Variants in IRS2 observed in about 807,000 individuals in gnomAD.
The protein encoded by IRS2 is insulin receptor substrate 2.
IRS2 carries 28 observed loss-of-function variants against 70.9 expected under a neutral mutation model. The observed-to-expected ratio is 0.39, with a 90% confidence interval of 0.29 to 0.54. The LOEUF (loss-of-function observed/expected upper bound fraction) is 0.54, where lower values mean the gene tolerates loss of function less well. IRS2 is among the 20% of genes least tolerant of loss of function. The pLI is 0.59. For synonymous variants in IRS2, 1,217 were observed against 981.9 expected (o/e 1.24, Z -4.48); for missense variants, 2,081 against 2,024.1 (o/e 1.03, Z -0.54).
chr13:109,781,217 C>G (rs1877688406), intron 1 of IRS2, among the ~76,000 whole-genome samples: 1 of 152,136 alleles, frequency 6.6e-6, no homozygotes, highest in African/African-American at 2.4e-5. Context: ...GGGGCAGGGT[C>G]CTCACAGGGT....
chr13:109,769,155 A>G (rs1275242391), intron 1 of IRS2, among the ~76,000 whole-genome samples: 1 of 152,160 alleles, frequency 6.6e-6, no homozygotes, highest in African/African-American at 2.4e-5. Context: ...CAAATTTTAT[A>G]TACTTTTGAG....
In IRS2 at chr13:109,783,240, C is replaced by G. The variant is rs112819737; in HGVS notation, c.2814G>C (p.Leu938=). The G allele has an allele frequency of 6.8e-7, 1 of 1,464,992 alleles. No individual in the cohort carries two copies. The highest frequency in any genetic ancestry group is 9.0e-7 in the Non-Finnish European group (1 of 1,112,028). 90.7% of individuals were successfully genotyped at this position (1,464,992 alleles called of 1,614,324 possible). Reference sequence around the variant, plus strand: ...AGGAGGACGAGGCCGCCGACGCCAGCAGGGGAGGCGCGGGCGGCGACAGGC... The same window carrying G: ...AGGAGGACGAGGCCGCCGACGCCAGGAGGGGAGGCGCGGGCGGCGACAGGC... ...GARLSPPAPP[L]LASAASSSSL... Residue 938 remains leucine, a synonymous_variant, in exon 1 of 2, where the codon CTG becomes CTC. Transcript: ENST00000375856.
At chr13:109,778,313 T>C (rs1478941185) in intron 1 of IRS2, among the ~76,000 whole-genome samples, 1 of 152,236 alleles carries the variant, frequency 6.6e-6, no homozygotes, top group Non-Finnish European at 1.5e-5. Flanking sequence ...GATTCCTGGT[T>C]TAGTGTTCCA....
rs1566411917 is a variant in IRS2, at chr13:109,782,239, G to A, written c.3815C>T (p.Pro1272Leu). 3.1e-6 allele frequency: 5 copies of A among 1,607,784 alleles called. No homozygotes were observed. Among genetic ancestry groups the A allele is most frequent in the South Asian group, 1.1e-5 (1 of 90,770 alleles). The stretch of plus-strand genomic sequence containing the variant: ...GTCTCCCGGCTGAGGAAGCGGCGGC[G>A]GCGGCGGCTGCGGCTGGGGTGGCAG... ...PGLPPQPQPP[P>L]PPLPQPGDKS... The change falls in exon 1 of 2, where the codon CCG becomes CTG. Residue 1272 changes from proline (P) to leucine (L), a missense_variant. Transcript: ENST00000375856.
Position 109,769,755 on chromosome 13 carries a change from GTT to G in IRS2, c.4012+12285_4012+12286del, listed in dbSNP as rs66796438. Among the ~76,000 whole-genome samples the G allele has an allele frequency of 6.8e-3, 1,041 of 152,250 alleles. 10 individuals carry two copies. Among genetic ancestry groups the G allele is most frequent in the African/African-American group, 0.024 (984 of 41,530 alleles). On this transcript the variant is annotated intron_variant, in intron 1 of 1. Coordinates refer to ENST00000375856, the MANE Select transcript of IRS2 (RefSeq NM_003749.3). Reference sequence around the variant, plus strand: ...CTTTTTAGCTTGAAAAACCAAATCTGTTTCTCTCTAGCCTATTCTTTCATATT... The same window carrying G: ...CTTTTTAGCTTGAAAAACCAAATCTGTCTCTCTAGCCTATTCTTTCATATT...
intron 1 of IRS2, among the ~76,000 whole-genome samples, chr13:109,771,790 T>C (rs1165625699): frequency 6.6e-6 from 1 of 152,244 alleles, no homozygotes; most frequent in South Asian, 2.1e-4. Context: ...CAGGAATTTC[T>C]GCTGTCTGGG....
intron 1 of IRS2, among the ~76,000 whole-genome samples, chr13:109,768,797 C>T (rs1877390922): frequency 6.6e-6 from 1 of 152,122 alleles, no homozygotes; most frequent in Admixed American, 6.5e-5. Context: ...CACATCCTCT[C>T]TCTACAGACT....
At position 109,782,608 on chromosome 13, in the gene IRS2, G is replaced by A; in HGVS notation, c.3446C>T (p.Ser1149Phe). The A allele has an allele frequency of 6.3e-7, 1 of 1,578,698 alleles. No individual in the cohort carries two copies. Among genetic ancestry groups the A allele is most frequent in the Non-Finnish European group, 8.6e-7 (1 of 1,163,628 alleles). ...DPQGGRRRHS[S>F]ETFSSTTTVT... Reference sequence around the variant, plus strand: ...CGTCGTGGTGGAGGAGAAGGTCTCGGAACTGTGGCGGCGGCGGCCCCCCTG... The same window carrying A: ...CGTCGTGGTGGAGGAGAAGGTCTCGAAACTGTGGCGGCGGCGGCCCCCCTG... Residue 1149 changes from serine (S) to phenylalanine (F), a missense_variant, in exon 1 of 2, where the codon TCC (serine) becomes TTC (phenylalanine). Ser to Phe is a radical substitution (Grantham distance 155). Transcript: ENST00000375856.
chr13:109,783,229 G>A lies in IRS2; in HGVS notation c.2825C>T (p.Ala942Val), dbSNP rs1450865521. 9 of 1,445,006 alleles carry A rather than the reference G, an allele frequency of 6.2e-6. No individual in the cohort carries two copies. Among genetic ancestry groups the A allele is most frequent in the Non-Finnish European group, 8.2e-6 (9 of 1,101,808 alleles). 89.5% of individuals were successfully genotyped at this position (1,445,006 alleles called of 1,614,324 possible). A position where few individuals can be genotyped will look rare whatever the true frequency, so the allele number is the denominator to read the frequency against. The change falls in exon 1 of 2, where the codon GCG becomes GTG. Residue 942 changes from alanine (A) to valine (V), a missense_variant. By Grantham distance (64) the Ala-to-Val change is moderately conservative. Around this residue, in one of 4 missense-constraint regions of IRS2, gnomAD observed 1,615 missense variants for 1,459.5 expected, o/e 1.11. Transcript: ENST00000375856. Reference protein sequence around the residue: ...SPPAPPLLASAASSSSLLSAS... With the variant: ...SPPAPPLLASVASSSSLLSAS... ...GGACAAGAGCGAGGAGGACGAGGCC[G>A]CCGACGCCAGCAGGGGAGGCGCGGG...
At chr13:109,757,183 A>G (rs1257419817) in intron 1 of IRS2, among the ~76,000 whole-genome samples, 1 of 152,178 alleles carries the variant, frequency 6.6e-6, no homozygotes. Context: ...ACAAATTGGA[A>G]GATTTTGACC....
At position 109,769,540 on chromosome 13, in the gene IRS2, A is replaced by C. The variant is rs1462076426; in HGVS notation, c.4012+12502T>G. Among the ~76,000 whole-genome samples the C allele has an allele frequency of 4.6e-5, 7 of 152,294 alleles. No individual in the cohort carries two copies. In the East Asian group the frequency reaches 1.4e-3, roughly 29 times the overall value. On this transcript the variant is annotated intron_variant, in intron 1 of 1. Transcript: ENST00000375856. ...TTGGATTCCTCCCTTAACATCTGTA[A>C]GACCGGCTTCCCCTGACCTTCAGGT... is the stretch of plus-strand genomic sequence containing the variant.
Position 109,783,521 on chromosome 13 carries a change from G to T in IRS2, c.2533C>A (p.Pro845Thr). 6.5e-7 allele frequency: 1 copy of T among 1,548,338 alleles called. No individual in the cohort carries two copies. The highest frequency in any genetic ancestry group is 1.2e-5 in the South Asian group (1 of 83,990). ...EEERLEPQAT[P>T]GPSQAASAFG... ...GCGCTGGCCGCCTGGCTGGGCCCTG[G>T]CGTGGCCTGAGGCTCCAGACGCTCC... is the stretch of plus-strand genomic sequence containing the variant. Residue 845 changes from proline to threonine, a missense_variant, in exon 1 of 2, where the codon CCA becomes ACA. Pro to Thr is a conservative substitution (Grantham distance 38). Coordinates refer to ENST00000375856, the MANE Select transcript of IRS2 (RefSeq NM_003749.3).
intron 1 of IRS2, among the ~76,000 whole-genome samples, chr13:109,764,777 G>A (rs1431815726): frequency 3.3e-5 from 5 of 152,176 alleles, no homozygotes; most frequent in Non-Finnish European, 7.3e-5. Context: ...ATGATACCAC[G>A]AACAACCACA....
intron 1 of IRS2, among the ~76,000 whole-genome samples, chr13:109,775,683 T>C (rs181520592): frequency 8.0e-4 from 121 of 151,726 alleles, no homozygotes; most frequent in African/African-American, 2.7e-3. Context: ...TCATTAATCC[T>C]TGAATTTCAG....
Position 109,753,567 on chromosome 13 carries a change from A to G in IRS2, c.*2737T>C, listed in dbSNP as rs1050890315. 6.4e-6 allele frequency: 1 copy of G among 156,946 alleles called. No homozygotes were observed. The highest frequency in any genetic ancestry group is 1.4e-5 in the Non-Finnish European group (1 of 70,842). 9.7% of individuals were successfully genotyped at this position (156,946 alleles called of 1,614,324 possible). A position where few individuals can be genotyped will look rare whatever the true frequency, so the allele number is the denominator to read the frequency against. On this transcript the variant is annotated 3_prime_UTR_variant, in exon 2 of 2. Coordinates refer to ENST00000375856, the MANE Select transcript of IRS2 (RefSeq NM_003749.3). ...AGCTATCAAGAAGTTAATATTTGTT[A>G]TGTATTTAGAATGGCATCCAGCACG... is the stretch of plus-strand genomic sequence containing the variant.
rs2138906759 is a variant in IRS2 at position 109,754,415 on chromosome 13, C to T, written c.*1889G>A. 4.8e-6 allele frequency: 1 copy of T among 208,654 alleles called. No homozygotes were observed. The highest frequency in any genetic ancestry group is 7.4e-5 in the East Asian group (1 of 13,466). The allele number at this position is 208,654 out of a possible 1,614,324, so 12.9% of individuals were successfully genotyped here. A position where few individuals can be genotyped will look rare whatever the true frequency, so the allele number is the denominator to read the frequency against. On this transcript the variant is annotated 3_prime_UTR_variant, in exon 2 of 2. Transcript: ENST00000375856. Reference sequence around the variant, plus strand: ...GGCGAGTTAAATATGCGTCAATACACTGCTTTCAGCAGGGTCCATATTCAG... The same window carrying T: ...GGCGAGTTAAATATGCGTCAATACATTGCTTTCAGCAGGGTCCATATTCAG...
rs1240753764 is a variant in IRS2, at chr13:109,783,934, G to A, written c.2120C>T (p.Pro707Leu). 1.9e-6 allele frequency: 3 copies of A among 1,539,590 alleles called. No individual in the cohort carries two copies. Among genetic ancestry groups the A allele is most frequent in the Admixed American group, 2.0e-5 (1 of 50,708 alleles). ...AAAAAVPSAG[P>L]AGPAPTSAAG... ...CGCAGAGGTGGGTGCTGGCCCCGCA[G>A]GCCCCGCAGAAGGCACGGCGGCGGC... The change falls in exon 1 of 2, where the codon CCT becomes CTT. Residue 707 changes from proline (P) to leucine (L), a missense_variant. Coordinates refer to ENST00000375856, the MANE Select transcript of IRS2 (RefSeq NM_003749.3).
chr13:109,764,168 A>G (rs1877286755), intron 1 of IRS2, among the ~76,000 whole-genome samples: 1 of 152,212 alleles, frequency 6.6e-6, no homozygotes, highest in South Asian at 2.1e-4. Context: ...GGCCATATCA[A>G]AAACATCCTG....
rs753505076 is a variant in IRS2 at position 109,783,763 on chromosome 13, C to G, written c.2291G>C (p.Gly764Ala). 1 of 1,594,684 alleles carries G rather than the reference C, an allele frequency of 6.3e-7. No homozygotes were observed. Among genetic ancestry groups the G allele is most frequent in the East Asian group, 2.3e-5 (1 of 43,684 alleles). ...EHADGKLLPN[G>A]DYLNVSPSDA... ...GCTGGGGGACACGTTGAGGTAGTCC[C>G]CGTTGGGCAGCAGCTTGCCATCTGC... Residue 764 changes from glycine to alanine, a missense_variant, in exon 1 of 2, where the codon GGG becomes GCG. Physicochemically the swap from Gly to Ala is moderately conservative, Grantham distance 60. Around this residue, in one of 4 missense-constraint regions of IRS2, gnomAD observed 1,615 missense variants for 1,459.5 expected, o/e 1.11. Coordinates refer to ENST00000375856, the MANE Select transcript of IRS2 (RefSeq NM_003749.3).
Sources: allele counts gnomAD v4.1 joint callset (sites outside exome capture counted in the v4.1 genomes callset), GRCh38; gene constraint gnomAD v4.1.1; regional missense constraint gnomAD v4.1.1; transcripts MANE v1.5; gene names NCBI Gene and HGNC (gene_info 2026-07-23, HGNC 2026-07-21).